PAX6: variants seen among roughly 807,000 people sequenced by gnomAD.
PAX6 encodes paired box 6.
Under a neutral mutation model 60.7 loss-of-function variants are expected in PAX6, and 7 were observed. The ratio of observed to expected loss-of-function variants is 0.12; its 90% confidence interval spans 0.07 to 0.22. The LOEUF is 0.22. PAX6 is among the 10% of genes least tolerant of loss of function. The pLI, the probability that PAX6 is intolerant of heterozygous loss-of-function variation, is 1.00. For synonymous variants in PAX6, 208 were observed against 201.2 expected (o/e 1.03, Z -0.29); for missense variants, 355 against 555.2 (o/e 0.64, Z 3.62).
chr11:31,806,554 G>C, intron 3 of PAX6, 92 bp from the exon 4 acceptor site: 1 of 969,764 alleles, frequency 1.0e-6, no homozygotes, highest in African/African-American at 1.6e-5. Context: ...TAGGACAGGA[G>C]AATCTCCGTT....
chr11:31,797,999 A>AGAGG (rs1592487166), intron 8 of PAX6, among the ~76,000 whole-genome samples: 2 of 151,660 alleles, frequency 1.3e-5, no homozygotes, highest in East Asian at 1.9e-4. Flanking sequence ...AGAGAGAGAG[A>AGAGG]GAGAGAGACA....
At chr11:31,801,521 G>T in intron 7 of PAX6, 40 bp downstream of exon 7, 1 of 1,613,694 alleles carries the variant, frequency 6.2e-7, no homozygotes, top group Non-Finnish European at 8.5e-7. Flanking sequence ...GAGAGCATTG[G>T]GCTTAGGGCA....
intron 8 of PAX6, among the ~76,000 whole-genome samples, chr11:31,798,410 T>G (rs1034567666): frequency 8.0e-3 from 3 of 374 alleles, no homozygotes; most frequent in African/African-American, 0.013. Context: ...CTTATGCTTT[T>G]GGAGTATGGA....
At position 31,802,703 on chromosome 11, in the gene PAX6, C is replaced by T. The variant is rs1554985714; in HGVS notation, c.141+1G>A. ...GAGTGGGGCGGCGCCGGGAGGATCA[C>T]CTGCAGAATTCGGGAAATGTCGCAC... On this transcript the variant is annotated splice_donor_variant, in intron 5 of 13. Transcript: ENST00000640368. LOFTEE classifies it high-confidence loss of function. The T allele has an allele frequency of 6.2e-7, 1 of 1,611,486 alleles. No individual in the cohort carries two copies. Among genetic ancestry groups the T allele is most frequent in the Admixed American group, 1.7e-5 (1 of 59,900 alleles).
intron 9 of PAX6, 186 bp downstream of exon 9, chr11:31,794,425 CACACACACACACACACACA>C: frequency 5.4e-4 from 2 of 3,714 alleles, no homozygotes; most frequent in African/African-American, 6.8e-3. Context: ...ACACACCACA[CACACACACACACACACACA>C]CACACACACA....
At chr11:31,799,080 TG>T (rs1032613907) in intron 8 of PAX6, among the ~76,000 whole-genome samples, 40 of 152,174 alleles carry the variant, frequency 2.6e-4, no homozygotes, top group Non-Finnish European at 5.0e-4. Flanking sequence ...CTCAGATTGC[TG>T]GGGGCGGAGG....
In PAX6 at chr11:31,793,558, G is replaced by A. The variant is rs1376443738; in HGVS notation, c.959-5C>T. 1.3e-5 allele frequency: 21 copies of A among 1,614,136 alleles called. No individual in the cohort carries two copies. The highest frequency in any genetic ancestry group is 1.6e-4 in the Middle Eastern group (1 of 6,062). ...AGCCAGATGTGAAGGAGGAAACTGA[G>A]GGCAAGAGAAATGACAGTAGTCAGA... On this transcript the variant is annotated splice_polypyrimidine_tract_variant and splice_region_variant and intron_variant, in intron 11 of 13. Coordinates refer to ENST00000640368, the MANE Select transcript of PAX6 (RefSeq NM_001368894.2).
At chr11:31,806,265 G>C in intron 4 of PAX6, 137 bp downstream of exon 4, 1 of 947,346 alleles carries the variant, frequency 1.1e-6, no homozygotes, top group Middle Eastern at 3.4e-4. Flanking sequence ...GGAGCGGGGA[G>C]CAGCCGCCGC....
At chr11:31,816,763 A>G in intron 1 of PAX6, 2 of 640,312 alleles carry the variant, frequency 3.1e-6, no homozygotes, top group Non-Finnish European at 2.8e-6. Context: ...TGAGCTCCGA[A>G]GGTGCTCCCA....
chr11:31,809,590 G>T (rs1337153096), intron 2 of PAX6, among the ~76,000 whole-genome samples: 1 of 152,148 alleles, frequency 6.6e-6, no homozygotes, highest in South Asian at 2.1e-4. Context: ...CTATTATGGC[G>T]CAGGGAGACT....
At chr11:31,811,525 C>G (rs961488172), upstream of PAX6, 1 of 274,974 alleles carries the variant, frequency 3.6e-6, no homozygotes, top group Non-Finnish European at 6.8e-6. Context: ...CTCTGGCGCT[C>G]GCCTGCATCT....
At chr11:31,793,140 G>C (rs558104774) in intron 12 of PAX6, 340 of 614,388 alleles carry the variant, frequency 5.5e-4, no homozygotes, top group Middle Eastern at 1.6e-3. Context: ...AGGCTCCCTG[G>C]TACCCAAAAC....
upstream of PAX6, among the ~76,000 whole-genome samples, chr11:31,815,405 C>T (rs1957332109): frequency 6.6e-6 from 1 of 152,152 alleles, no homozygotes; most frequent in Non-Finnish European, 1.5e-5. Flanking sequence ...CCTGGATATC[C>T]CCTCTCTAAA....
At position 31,801,659 on chromosome 11, in the gene PAX6, T is replaced by C; in HGVS notation, c.301A>G (p.Ile101Val). ...RVATPEVVSK[I>V]AQYKRECPSI... ...GGGCACTCCCGCTTATACTGGGCTATTTTGCTTACAACTTCTGGAGTCGCT... is the reference window on the plus strand; with the variant it reads ...GGGCACTCCCGCTTATACTGGGCTACTTTGCTTACAACTTCTGGAGTCGCT... Residue 101 changes from isoleucine to valine, a missense_variant, in exon 7 of 14, where the codon ATA becomes GTA. Physicochemically the swap from Ile to Val is conservative, Grantham distance 29. Around this residue, in one of 5 missense-constraint regions of PAX6, gnomAD observed 143 missense variants for 183.6 expected, o/e 0.78. Transcript: ENST00000640368. The C allele has an allele frequency of 1.2e-6, 2 of 1,614,166 alleles. No individual in the cohort carries two copies. Among genetic ancestry groups the C allele is most frequent in the Non-Finnish European group, 1.7e-6 (2 of 1,180,046 alleles).
chr11:31,802,177 A>T (rs1278224927), intron 5 of PAX6: 1 of 481,520 alleles, frequency 2.1e-6, no homozygotes, highest in African/African-American at 2.0e-5. Flanking sequence ...AAAGGTAAAA[A>T]ATAAACTGAT....
chr11:31,792,991 C>A (rs1354306949), intron 12 of PAX6: 2 of 453,768 alleles, frequency 4.4e-6, no homozygotes. Context: ...ACTAGTTTAT[C>A]ACATATACCC....
rs928834789 is a variant in PAX6 at position 31,789,742 on chromosome 11, C to T, written c.*192G>A. ...AAGATTTGTTCCAACTGATATCGTGCCTTCTGTATACAAAGGTCCTTGTTT... is the reference window on the plus strand; with the variant it reads ...AAGATTTGTTCCAACTGATATCGTGTCTTCTGTATACAAAGGTCCTTGTTT... On this transcript the variant is annotated 3_prime_UTR_variant, in exon 14 of 14. Coordinates refer to ENST00000640368, the MANE Select transcript of PAX6 (RefSeq NM_001368894.2). 5.2e-5 allele frequency: 37 copies of T among 708,352 alleles called. No homozygotes were observed. Among genetic ancestry groups the T allele is most frequent in the Non-Finnish European group, 9.3e-5 (36 of 386,632 alleles). 43.9% of individuals were successfully genotyped at this position (708,352 alleles called of 1,614,324 possible).
intron 7 of PAX6, 107 bp downstream of exon 7, chr11:31,801,454 G>A (rs112714525): frequency 1.9e-6 from 3 of 1,588,188 alleles, no homozygotes; most frequent in Non-Finnish European, 2.6e-6. Context: ...TGTGGAGCAG[G>A]GAGAGGACAC....
chr11:31,793,508 G>C lies in PAX6; in HGVS notation c.1004C>G (p.Ala335Gly), dbSNP rs773515612. The change falls in exon 12 of 14, where the codon GCC (alanine) becomes GGC (glycine). Residue 335 changes from alanine to glycine, a missense_variant. Ala to Gly is a moderately conservative substitution (Grantham distance 60). Transcript: ENST00000640368. The part of the protein sequence containing the change: ...SGSMLGRTDT[A>G]LTNTYSALPP... ...CAGAGCGCTGTAGGTGTTTGTGAGG[G>C]CTGTGTCTGTTCGGCCCAACATGGA... 23 of 1,614,222 alleles carry C rather than the reference G, an allele frequency of 1.4e-5. No homozygotes were observed. The South Asian group carries it at 2.4e-4, about 17-fold the overall frequency.
Sources: allele counts gnomAD v4.1 joint callset (sites outside exome capture counted in the v4.1 genomes callset), GRCh38; gene constraint gnomAD v4.1.1; regional missense constraint gnomAD v4.1.1; transcripts MANE v1.5; gene names NCBI Gene and HGNC (gene_info 2026-07-23, HGNC 2026-07-21).